The following HMGCS1 variants were observed in gnomAD, a reference collection of about 807,000 sequenced individuals.
The protein encoded by HMGCS1 is 3-hydroxy-3-methylglutaryl-CoA synthase 1.
A neutral mutation model predicts 52.3 loss-of-function variants in HMGCS1; 9 were observed. That is an observed-to-expected ratio of 0.17 (90% CI 0.10 to 0.30). HMGCS1 has a LOEUF of 0.30. Ranked by LOEUF, HMGCS1 falls within the 10% of genes least tolerant of loss-of-function variation. The probability of loss-of-function intolerance (pLI) is 1.00; values close to 1 mark genes in which losing one functional copy is unlikely to be tolerated. For synonymous variants in HMGCS1, 176 were observed against 214.4 expected, an observed-to-expected ratio of 0.82 and a Z score of 1.57; for missense variants, 320 against 620.9, an observed-to-expected ratio of 0.52 and a Z score of 5.15.
intron 6 of HMGCS1, 77 bp downstream of exon 6, chr5:43,295,675 T>A: frequency 9.5e-7 from 1 of 1,052,542 alleles, no homozygotes; most frequent in Non-Finnish European, 1.4e-6. Flanking sequence ...ATTTCTCAGG[T>A]CTGTACAAAT....
At chr5:43,311,728 A>C (rs2111762050) in intron 1 of HMGCS1, among the ~76,000 whole-genome samples, 1 of 152,352 alleles carries the variant, frequency 6.6e-6, no homozygotes, top group Middle Eastern at 3.4e-3. Context: ...ACAAGATGTA[A>C]AAGCAATCTG....
At chr5:43,294,329 C>T (rs1753928041) in intron 7 of HMGCS1, 167 bp from the exon 8 acceptor site, 2 of 564,774 alleles carry the variant, frequency 3.5e-6, no homozygotes, top group Admixed American at 6.4e-5. Context: ...GGGAATATAA[C>T]TTAGTTTTAA....
intron 10 of HMGCS1, among the ~76,000 whole-genome samples, chr5:43,291,850 G>T (rs1753782788): frequency 6.6e-6 from 1 of 152,108 alleles, no homozygotes; most frequent in East Asian, 1.9e-4. Context: ...ACCATGATCT[G>T]GGATGAGATG....
intron 7 of HMGCS1, 165 bp downstream of exon 7, chr5:43,294,526 C>G (rs1445680424): frequency 1.9e-6 from 1 of 529,372 alleles, no homozygotes; most frequent in Admixed American, 3.6e-5. Flanking sequence ...GAACTGTAGC[C>G]TCAACCCATA....
rs1258171355 is a variant in HMGCS1, at chr5:43,288,312, T to A, written c.*2819A>T. The A allele has an allele frequency of 1.3e-5, 2 of 151,998 alleles. No homozygotes were observed. The highest frequency in any genetic ancestry group is 4.8e-5 in the African/African-American group (2 of 41,366). 9.4% of individuals were successfully genotyped at this position (151,998 alleles called of 1,614,324 possible). Reference sequence around the variant, plus strand: ...TCTCCCACTACCAGCAAAGAAAAAATGAGGAACCTATGACTTAAGAGCAGT... The same window carrying A: ...TCTCCCACTACCAGCAAAGAAAAAAAGAGGAACCTATGACTTAAGAGCAGT... On this transcript the variant is annotated 3_prime_UTR_variant, in exon 11 of 11. Transcript: ENST00000325110.
intron 1 of HMGCS1, among the ~76,000 whole-genome samples, chr5:43,309,844 T>C (rs945293329): frequency 6.6e-6 from 1 of 152,206 alleles, no homozygotes; most frequent in Non-Finnish European, 1.5e-5. Flanking sequence ...ATAGGCACTT[T>C]GAGTCTGGCA....
intron 6 of HMGCS1, 133 bp downstream of exon 6, chr5:43,295,619 A>T: frequency 1.6e-6 from 1 of 628,848 alleles, no homozygotes; most frequent in East Asian, 2.5e-5. Context: ...ACTGACTGAG[A>T]CACACAGATT....
chr5:43,296,856 G>C, intron 5 of HMGCS1, 146 bp downstream of exon 5: 1 of 625,472 alleles, frequency 1.6e-6, no homozygotes, highest in Non-Finnish European at 2.7e-6. Context: ...AGAAACTATG[G>C]GAAAATGTTG....
In HMGCS1 at chr5:43,302,473, C is replaced by A. The variant is rs529211035; in HGVS notation, c.-10-3498G>T. On this transcript the variant is annotated intron_variant, in intron 2 of 10. Coordinates refer to ENST00000325110, the MANE Select transcript of HMGCS1 (RefSeq NM_001098272.3). Reference sequence around the variant, plus strand: ...TCTAAATTACCTTTTGCATTTCTTGCCTATCCTTCTACATCATCATACTTC... The same window carrying A: ...TCTAAATTACCTTTTGCATTTCTTGACTATCCTTCTACATCATCATACTTC... 7.2e-5 allele frequency among the ~76,000 whole-genome samples: 11 copies of A among 152,274 alleles called. No individual in the cohort carries two copies. In the East Asian group the frequency reaches 1.9e-3, roughly 27 times the overall value.
chr5:43,308,782 A>G (rs1754707795), intron 1 of HMGCS1, among the ~76,000 whole-genome samples: 2 of 152,166 alleles, frequency 1.3e-5, no homozygotes, highest in African/African-American at 4.8e-5. Context: ...CTACATTCGG[A>G]TGTTATTAAT....
chr5:43,300,509 G>A (rs1754260280), intron 2 of HMGCS1, among the ~76,000 whole-genome samples: 1 of 152,188 alleles, frequency 6.6e-6, no homozygotes, highest in South Asian at 2.1e-4. Flanking sequence ...GTCTTAAGGG[G>A]CCAGGTGCAG....
At chr5:43,304,647 T>C (rs1202582487) in intron 2 of HMGCS1, among the ~76,000 whole-genome samples, 1 of 152,228 alleles carries the variant, frequency 6.6e-6, no homozygotes, top group Non-Finnish European at 1.5e-5. Context: ...ATGTCCTACA[T>C]TAAATACATG....
At position 43,289,956 on chromosome 5, in the gene HMGCS1, C is replaced by G. The variant is rs1753666719; in HGVS notation, c.*1175G>C. On this transcript the variant is annotated 3_prime_UTR_variant, in exon 11 of 11. Coordinates refer to ENST00000325110, the MANE Select transcript of HMGCS1 (RefSeq NM_001098272.3). ...TACACAAAACTGTTTAACCAATCTT[C>G]TTATCTATCCTGTGTGATAGTTTTG... 1 of 152,558 alleles carries G rather than the reference C, an allele frequency of 6.6e-6. No homozygotes were observed. Among genetic ancestry groups the G allele is most frequent in the South Asian group, 2.1e-4 (1 of 4,834 alleles). 9.5% of individuals were successfully genotyped at this position (152,558 alleles called of 1,614,324 possible). A position where few individuals can be genotyped will look rare whatever the true frequency, so the allele number is the denominator to read the frequency against.
chr5:43,294,614 T>G, intron 7 of HMGCS1, 77 bp downstream of exon 7: 1 of 1,093,128 alleles, frequency 9.1e-7, no homozygotes. Context: ...CCAACATGCT[T>G]GACACTAGAT....
At chr5:43,295,599 T>TA (rs1186617245) in intron 6 of HMGCS1, among the ~76,000 whole-genome samples, 153 bp downstream of exon 6, 39 of 152,346 alleles carry the variant, frequency 2.6e-4, no homozygotes, top group Non-Finnish European at 1.3e-4. Flanking sequence ...TCTCTGGACT[T>TA]AGATTCTTCA....
chr5:43,296,046 C>A, intron 5 of HMGCS1, 129 bp from the exon 6 acceptor site: 1 of 600,290 alleles, frequency 1.7e-6, no homozygotes. Context: ...TATAATGAAA[C>A]CTCTCTATAC....
At chr5:43,293,991 G>A (rs914491045) in intron 8 of HMGCS1, 65 bp downstream of exon 8, 66 of 1,050,488 alleles carry the variant, frequency 6.3e-5, no homozygotes, top group Admixed American at 8.6e-5. Context: ...CTGGGATTAC[G>A]GGTGTGAGCC....
intron 1 of HMGCS1, among the ~76,000 whole-genome samples, chr5:43,310,417 A>G (rs988508339): frequency 2.0e-5 from 3 of 152,224 alleles, no homozygotes; most frequent in Non-Finnish European, 4.4e-5. Context: ...AGTTATGGGC[A>G]GTCTTCTTAT....
rs935503868 is a variant in HMGCS1, at chr5:43,294,801, A to G, written c.966T>C (p.Ala322=). ...TTTTCTGACTGAAGAGTTCAGAGCT[A>G]GCCTTCATAAATGCCTTCTCCACAT... ...DRDVEKAFMK[A]SSELFSQKTK... is the part of the protein sequence containing the mutation. Residue 322 remains alanine, a synonymous_variant, in exon 7 of 11, where the codon GCT becomes GCC. Coordinates refer to ENST00000325110, the MANE Select transcript of HMGCS1 (RefSeq NM_001098272.3). 1 of 1,611,650 alleles carries G rather than the reference A, an allele frequency of 6.2e-7. No individual in the cohort carries two copies. Among genetic ancestry groups the G allele is most frequent in the Non-Finnish European group, 8.5e-7 (1 of 1,178,088 alleles).
Sources: allele counts gnomAD v4.1 joint callset (sites outside exome capture counted in the v4.1 genomes callset), GRCh38; gene constraint gnomAD v4.1.1; transcripts MANE v1.5; gene names NCBI Gene and HGNC (gene_info 2026-07-23, HGNC 2026-07-21).